Variants in CARMIL1 observed in about 807,000 individuals in gnomAD.
CARMIL1 encodes capping protein regulator and myosin 1 linker 1.
In CARMIL1, 90 loss-of-function variants were observed where a neutral mutation model predicts 177.1. The ratio of observed to expected loss-of-function variants is 0.51; its 90% CI spans 0.43 to 0.61. The LOEUF (loss-of-function observed/expected upper bound fraction) is 0.61, where lower values mean the gene tolerates loss of function less well. CARMIL1 is among the 20% of genes least tolerant of loss of function. The pLI is 0.00. For synonymous variants in CARMIL1, 577 were observed against 606.2 expected (o/e 0.95, Z 0.71); for missense variants, 1,380 against 1,667.0 (o/e 0.83, Z 3.00).
At chr6:25,489,524 T>C (rs1042916727) in intron 13 of CARMIL1, among the ~76,000 whole-genome samples, 1 of 152,216 alleles carries the variant, frequency 6.6e-6, no homozygotes, top group Non-Finnish European at 1.5e-5. Context: ...CTCATTTCCA[T>C]ATGTGGCAAA....
At chr6:25,548,541 G>C (rs1809754556) in intron 26 of CARMIL1, among the ~76,000 whole-genome samples, 1 of 152,172 alleles carries the variant, frequency 6.6e-6, no homozygotes, top group Non-Finnish European at 1.5e-5. Flanking sequence ...TGGAATAACA[G>C]TTTGAAGCCA....
intron 29 of CARMIL1, among the ~76,000 whole-genome samples, chr6:25,573,664 A>AT (rs1230006357): frequency 7.2e-6 from 1 of 138,282 alleles, no homozygotes; most frequent in Non-Finnish European, 1.6e-5. Context: ...TCATTTCCTT[A>AT]TTTTTTTAAC....
At chr6:25,591,384 C>A (rs1291076186) in intron 31 of CARMIL1, among the ~76,000 whole-genome samples, 2 of 152,212 alleles carry the variant, frequency 1.3e-5, no homozygotes, top group Non-Finnish European at 2.9e-5. Context: ...TCAGCAACAG[C>A]GATTCCTGAT....
rs1368092892 is a variant in CARMIL1, at chr6:25,586,626, C to T, written c.3006+5187C>T. ...GGCGGCTGGGAGGTGGAGGTTGTAGCGAGCCGAGATCACGCCACTGCACTC... is the reference window on the plus strand; with the variant it reads ...GGCGGCTGGGAGGTGGAGGTTGTAGTGAGCCGAGATCACGCCACTGCACTC... On this transcript the variant is annotated intron_variant, in intron 31 of 36. Transcript: ENST00000329474. Among the ~76,000 whole-genome samples the T allele has an allele frequency of 3.3e-5, 5 of 152,026 alleles. No homozygotes were observed. The East Asian group carries it at 5.8e-4, about 18-fold the overall frequency.
Position 25,293,297 on chromosome 6 carries a change from TGTG to T in CARMIL1, c.138+8389_138+8391del, listed in dbSNP as rs1457556793. Among the ~76,000 whole-genome samples the T allele has an allele frequency of 5.5e-3, 832 of 151,056 alleles. 3 individuals carry two copies. The highest frequency in any genetic ancestry group is 0.012 in the African/African-American group (481 of 41,274). ...GTGTGTGTGTGTGTGTGTGTGTGTG[TGTG>T]TGTGTTTTGTAGCAGTAGTAGTAGT... On this transcript the variant is annotated intron_variant, in intron 2 of 36. Coordinates refer to ENST00000329474, the MANE Select transcript of CARMIL1 (RefSeq NM_017640.6).
chr6:25,499,802 C>T (rs1311043579), intron 16 of CARMIL1, among the ~76,000 whole-genome samples: 3 of 152,080 alleles, frequency 2.0e-5, no homozygotes, highest in African/African-American at 7.2e-5. Flanking sequence ...ATATTCTAAA[C>T]GTTATTAAAT....
At chr6:25,293,489 G>C (rs1388711969) in intron 2 of CARMIL1, among the ~76,000 whole-genome samples, 1 of 151,880 alleles carries the variant, frequency 6.6e-6, no homozygotes, top group Non-Finnish European at 1.5e-5. Context: ...GGGCTCAAGA[G>C]ATCCTCCTGT....
intron 36 of CARMIL1, among the ~76,000 whole-genome samples, chr6:25,619,233 G>T (rs1434802678): frequency 6.6e-6 from 1 of 152,066 alleles, no homozygotes; most frequent in African/African-American, 2.4e-5. Flanking sequence ...GACTGTTTTT[G>T]TGTGTGTTTT....
intron 5 of CARMIL1, among the ~76,000 whole-genome samples, chr6:25,436,311 T>C (rs1212966503): frequency 6.6e-6 from 1 of 152,170 alleles, no homozygotes; most frequent in Admixed American, 6.5e-5. Context: ...ACCCTCCTGA[T>C]AGAAGAACAG....
At chr6:25,583,112 C>T (rs1813281430) in intron 31 of CARMIL1, among the ~76,000 whole-genome samples, 1 of 152,184 alleles carries the variant, frequency 6.6e-6, no homozygotes, top group South Asian at 2.1e-4. Context: ...AAAGAAATGT[C>T]CTTATCTCTG....
intron 36 of CARMIL1, among the ~76,000 whole-genome samples, chr6:25,618,396 T>G (rs1478480651): frequency 6.6e-6 from 1 of 152,238 alleles, no homozygotes; most frequent in African/African-American, 2.4e-5. Context: ...AGCTGTACTC[T>G]TCCTTCAGGC....
intron 29 of CARMIL1, among the ~76,000 whole-genome samples, chr6:25,557,987 A>C (rs544839606): frequency 5.7e-4 from 87 of 152,302 alleles, no homozygotes; most frequent in Middle Eastern, 6.8e-3. Context: ...ACAGTTTTCT[A>C]TATAATTATA....
intron 29 of CARMIL1, among the ~76,000 whole-genome samples, chr6:25,562,542 C>T (rs577823783): frequency 6.6e-6 from 1 of 152,268 alleles, no homozygotes; most frequent in African/African-American, 2.4e-5. Context: ...CCACCGCACC[C>T]GGCCAGACAT....
At chr6:25,445,660 G>C (rs542394924) in intron 5 of CARMIL1, among the ~76,000 whole-genome samples, 1 of 150,912 alleles carries the variant, frequency 6.6e-6, no homozygotes, top group African/African-American at 2.4e-5. Context: ...TCAGCCTTCC[G>C]AGTAACTGGG....
chr6:25,528,241 T>C (rs1454152858), intron 23 of CARMIL1, among the ~76,000 whole-genome samples: 2 of 152,214 alleles, frequency 1.3e-5, no homozygotes, highest in Non-Finnish European at 2.9e-5. Context: ...TTTGATGGGT[T>C]AATGAAATTA....
rs1780915210 is a variant in CARMIL1, at chr6:25,279,674, C to CT, written c.-120dup. 2 of 868,420 alleles carry CT rather than the reference C, an allele frequency of 2.3e-6. No individual in the cohort carries two copies. Among genetic ancestry groups the CT allele is most frequent in the African/African-American group, 3.3e-5 (2 of 60,150 alleles). 53.8% of individuals were successfully genotyped at this position (868,420 alleles called of 1,614,324 possible). A position where few individuals can be genotyped will look rare whatever the true frequency, so the allele number is the denominator to read the frequency against. On this transcript the variant is annotated 5_prime_UTR_variant, in exon 1 of 37. Transcript: ENST00000329474. ...AAATTCTGTCTCCGCCCCCCCTTTT[C>CT]TTGCCCACTTCCATTTGCAAGCTGC...
intron 31 of CARMIL1, among the ~76,000 whole-genome samples, chr6:25,586,075 C>T (rs1216786571): frequency 6.6e-6 from 1 of 150,734 alleles, no homozygotes; most frequent in African/African-American, 2.5e-5. Context: ...ACCTCCCAGA[C>T]GGGGTGGCGG....
chr6:25,530,958 G>T (rs1452086814), intron 24 of CARMIL1, among the ~76,000 whole-genome samples: 1 of 152,082 alleles, frequency 6.6e-6, no homozygotes, highest in East Asian at 1.9e-4. Context: ...CTTAATTATT[G>T]CTACATAACA....
At chr6:25,469,884 G>A (rs1800951283) in intron 9 of CARMIL1, among the ~76,000 whole-genome samples, 1 of 151,936 alleles carries the variant, frequency 6.6e-6, no homozygotes, top group Non-Finnish European at 1.5e-5. Context: ...GTAATATTAA[G>A]GTCAAGAACC....
Sources: allele counts gnomAD v4.1 joint callset (sites outside exome capture counted in the v4.1 genomes callset), GRCh38; gene constraint gnomAD v4.1.1; transcripts MANE v1.5; gene names NCBI Gene and HGNC (gene_info 2026-07-23, HGNC 2026-07-21).